Variants in RFX4 observed in about 807,000 individuals in gnomAD.
RFX4 encodes the protein regulatory factor X4.
Under a neutral mutation model 95.0 loss-of-function variants are expected in RFX4, and 10 were observed. The ratio of observed to expected loss-of-function variants is 0.11; its 90% CI spans 0.06 to 0.18. RFX4 has a LOEUF of 0.18. Among genes scored for constraint, RFX4 ranks in the 10% least tolerant of loss-of-function variants. RFX4 has a pLI of 1.00. For synonymous variants in RFX4, 321 were observed against 340.7 expected (o/e 0.94, Z 0.64); for missense variants, 640 against 922.0 (o/e 0.69, Z 3.96).
chr12:106,644,230 CTTTTTTTTTT>C (rs756140160), intron 3 of RFX4, among the ~76,000 whole-genome samples: 2 of 128,434 alleles, frequency 1.6e-5, no homozygotes, highest in African/African-American at 5.7e-5. Context: ...GCCATTTCCC[CTTTTTTTTTT>C]TTTTTTTTTT....
intron 16 of RFX4, among the ~76,000 whole-genome samples, chr12:106,748,974 A>G (rs1023122697): frequency 6.6e-6 from 1 of 151,694 alleles, no homozygotes; most frequent in Non-Finnish European, 1.5e-5. Flanking sequence ...AGTCCCAGCT[A>G]CTCGTGAGGC....
In RFX4 at chr12:106,686,841, T is replaced by C. The variant is rs779984502; in HGVS notation, c.378-43T>C. 136 of 573,316 alleles carry C rather than the reference T, an allele frequency of 2.4e-4. No individual in the cohort carries two copies. In the Admixed American group the frequency reaches 2.7e-3, roughly 12 times the overall value. The allele number at this position is 573,316 out of a possible 1,614,324, so 35.5% of individuals were successfully genotyped here. ...TAACAGTGCATGTGGGTCTCTCTCT[T>C]TTTTTTTTTTTCTCTCTCTCCCTCC... On this transcript the variant is annotated intron_variant, in intron 5 of 17. Transcript: ENST00000392842.
At chr12:106,738,046 C>T (rs2042743848) in intron 15 of RFX4, among the ~76,000 whole-genome samples, 1 of 152,038 alleles carries the variant, frequency 6.6e-6, no homozygotes, top group African/African-American at 2.4e-5. Flanking sequence ...ATTTAAGTAC[C>T]ATTCGCAGCT....
At chr12:106,648,488 G>GT (rs543146932) in intron 3 of RFX4, among the ~76,000 whole-genome samples, 1,720 of 145,452 alleles carry the variant, frequency 0.012, 20 homozygotes, top group African/African-American at 0.034. Context: ...CTTAGCAAGG[G>GT]TTTTTTTTTT....
At chr12:106,648,697 G>A (rs2040802037) in intron 3 of RFX4, among the ~76,000 whole-genome samples, 1 of 149,654 alleles carries the variant, frequency 6.7e-6, no homozygotes, top group South Asian at 2.1e-4. Context: ...AAGAACTTGA[G>A]GAGTGGGCAC....
chr12:106,642,086 C>T (rs1480517135), intron 3 of RFX4, among the ~76,000 whole-genome samples: 1 of 151,866 alleles, frequency 6.6e-6, no homozygotes, highest in Non-Finnish European at 1.5e-5. Context: ...GCTCGGTTCA[C>T]TGTAACCTCC....
intron 13 of RFX4, among the ~76,000 whole-genome samples, chr12:106,723,009 G>A (rs978662257): frequency 2.0e-5 from 3 of 152,170 alleles, no homozygotes; most frequent in Non-Finnish European, 4.4e-5. Flanking sequence ...CTGTGAATGG[G>A]TACAGGGTTT....
intron 8 of RFX4, among the ~76,000 whole-genome samples, chr12:106,704,216 G>A (rs946582962): frequency 6.6e-6 from 1 of 151,964 alleles, no homozygotes; most frequent in Admixed American, 6.6e-5. Flanking sequence ...ACTACAATGT[G>A]CTAGGGACTA....
chr12:106,635,461 C>T (rs767021009), intron 2 of RFX4, among the ~76,000 whole-genome samples: 9 of 151,880 alleles, frequency 5.9e-5, no homozygotes, highest in Non-Finnish European at 1.2e-4. Flanking sequence ...TACAGGTGTG[C>T]GCCACGATGC....
At chr12:106,663,801 T>A (rs1467781501) in intron 4 of RFX4, among the ~76,000 whole-genome samples, 1 of 151,502 alleles carries the variant, frequency 6.6e-6, no homozygotes, top group Non-Finnish European at 1.5e-5. Flanking sequence ...ATTTGCCAAA[T>A]ACTTTTTGTG....
intron 4 of RFX4, among the ~76,000 whole-genome samples, chr12:106,665,895 T>C (rs2041167191): frequency 6.6e-6 from 1 of 152,024 alleles, no homozygotes; most frequent in African/African-American, 2.4e-5. Flanking sequence ...TTATTTTGAA[T>C]AAACTGTCAT....
At chr12:106,690,587 G>GA (rs398116844) in intron 7 of RFX4, among the ~76,000 whole-genome samples, 1 of 152,028 alleles carries the variant, frequency 6.6e-6, no homozygotes, top group African/African-American at 2.4e-5. Context: ...TTGCTGGGGG[G>GA]TGATTCAGGG....
chr12:106,638,331 T>G (rs1230048317), intron 2 of RFX4, among the ~76,000 whole-genome samples: 6 of 152,334 alleles, frequency 3.9e-5, no homozygotes, highest in Middle Eastern at 3.4e-3. Flanking sequence ...TATTAATAAC[T>G]ATTTCATGGA....
Position 106,610,202 on chromosome 12 carries a change from C to T in RFX4, c.130+1319C>T, listed in dbSNP as rs78103704. ...GCAGTGAGCCAAGATTGTGCCACTG[C>T]ACTCCAGCCTGGGCAACAGAGTGAG... is the stretch of plus-strand genomic sequence containing the variant. On this transcript the variant is annotated intron_variant, in intron 2 of 17. Transcript: ENST00000392842. Among the ~76,000 whole-genome samples, 250 of 140,430 alleles carry T rather than the reference C, an allele frequency of 1.8e-3. 4 individuals are homozygous for T. In the East Asian group the frequency reaches 0.049, roughly 27 times the overall value. The allele number at this position is 140,430 out of a possible 152,430, so 92.1% of individuals were successfully genotyped here. A position where few individuals can be genotyped will look rare whatever the true frequency, so the allele number is the denominator to read the frequency against.
intron 17 of RFX4, among the ~76,000 whole-genome samples, chr12:106,759,300 G>A (rs1185834641): frequency 1.3e-5 from 2 of 152,170 alleles, no homozygotes; most frequent in African/African-American, 4.8e-5. Context: ...AGAGTTCCCT[G>A]AGATGGGAAC....
chr12:106,638,266 C>T (rs1455696704), intron 2 of RFX4, among the ~76,000 whole-genome samples: 4 of 152,138 alleles, frequency 2.6e-5, no homozygotes, highest in Admixed American at 6.5e-5. Context: ...CCTTGGCCTC[C>T]GAAAGTGCTG....
intron 16 of RFX4, among the ~76,000 whole-genome samples, 156 bp downstream of exon 16, chr12:106,747,755 C>T (rs945909580): frequency 6.6e-6 from 1 of 151,984 alleles, no homozygotes; most frequent in Non-Finnish European, 1.5e-5. Flanking sequence ...TGGTGAAACC[C>T]TGTCTGTACT....
chr12:106,704,988 T>G (rs1001892393), intron 8 of RFX4, among the ~76,000 whole-genome samples: 7 of 152,132 alleles, frequency 4.6e-5, no homozygotes. Flanking sequence ...CATGTCAAAG[T>G]GCACAATGTG....
intron 8 of RFX4, among the ~76,000 whole-genome samples, chr12:106,709,047 G>A (rs1056462988): frequency 2.6e-5 from 4 of 152,152 alleles, no homozygotes; most frequent in Non-Finnish European, 4.4e-5. Context: ...CTCTTCAAAA[G>A]CATGAAGGAG....
Sources: allele counts gnomAD v4.1 joint callset (sites outside exome capture counted in the v4.1 genomes callset), GRCh38; gene constraint gnomAD v4.1.1; transcripts MANE v1.5; gene names NCBI Gene and HGNC (gene_info 2026-07-23, HGNC 2026-07-21).